The following THSD7B variants were observed in gnomAD, a reference collection of about 807,000 sequenced individuals.
THSD7B encodes thrombospondin type-1 domain-containing protein 7B.
A neutral mutation model predicts 213.6 loss-of-function variants in THSD7B; 138 were observed. The ratio of observed to expected loss-of-function variants is 0.65; its 90% CI spans 0.56 to 0.74. The LOEUF (loss-of-function observed/expected upper bound fraction) is 0.74, where lower values mean the gene tolerates loss of function less well. Among genes scored for constraint, THSD7B ranks in the 30% least tolerant of loss-of-function variants. The pLI is 0.00. For missense variants in THSD7B, 1,931 were observed against 1,991.5 expected (o/e 0.97, Z 0.58); for synonymous variants, 742 against 687.0 (o/e 1.08, Z -1.25).
intron 1 of THSD7B, among the ~76,000 whole-genome samples, chr2:136,869,271 CA>C (rs1683392182): frequency 6.6e-6 from 1 of 152,118 alleles, no homozygotes; most frequent in Non-Finnish European, 1.5e-5. Flanking sequence ...TTACTAAGCA[CA>C]AAACAGATAA....
chr2:136,997,497 TC>T (rs1685915996), intron 2 of THSD7B, among the ~76,000 whole-genome samples: 1 of 152,230 alleles, frequency 6.6e-6, no homozygotes, highest in African/African-American at 2.4e-5. Context: ...TGGGTGTGTT[TC>T]TTTTAGGTTA....
chr2:137,531,672 T>TA (rs1227943748), intron 15 of THSD7B, among the ~76,000 whole-genome samples: 1 of 152,010 alleles, frequency 6.6e-6, no homozygotes, highest in African/African-American at 2.4e-5. Context: ...TTTCAGGTGC[T>TA]ATGATTTCTG....
chr2:137,200,715 C>T (rs1365341653), intron 7 of THSD7B, among the ~76,000 whole-genome samples: 1 of 151,984 alleles, frequency 6.6e-6, no homozygotes, highest in Non-Finnish European at 1.5e-5. Context: ...AGTGCAGTAG[C>T]ACAATCATAG....
chr2:137,547,180 A>G (rs919833949), intron 15 of THSD7B, among the ~76,000 whole-genome samples: 6 of 152,178 alleles, frequency 3.9e-5, no homozygotes, highest in African/African-American at 1.4e-4. Context: ...CCATTATCCA[A>G]TCAATTTTGC....
intron 21 of THSD7B, among the ~76,000 whole-genome samples, chr2:137,648,771 ATGTG>A (rs1188477577): frequency 2.0e-5 from 3 of 151,472 alleles, no homozygotes; most frequent in Non-Finnish European, 3.0e-5. Flanking sequence ...ATGTGTGTTT[ATGTG>A]TGTGTGTATT....
At chr2:137,094,382 C>A (rs1378009694) in intron 3 of THSD7B, among the ~76,000 whole-genome samples, 1 of 152,164 alleles carries the variant, frequency 6.6e-6, no homozygotes, top group East Asian at 1.9e-4. Context: ...ACCAGCTTGT[C>A]CAACATGGTA....
intron 6 of THSD7B, among the ~76,000 whole-genome samples, chr2:137,164,099 A>C (rs1332030084): frequency 6.6e-6 from 1 of 152,120 alleles, no homozygotes; most frequent in African/African-American, 2.4e-5. Context: ...GTTATGGGGC[A>C]TGGGATGTAT....
At chr2:137,522,680 CAGCTCCATTCG>C (rs1286874032) in intron 15 of THSD7B, among the ~76,000 whole-genome samples, 2 of 152,256 alleles carry the variant, frequency 1.3e-5, no homozygotes, top group African/African-American at 4.8e-5. Context: ...GTCATAAATC[CAGCTCCATTCG>C]AGCAAAGTTT....
intron 1 of THSD7B, among the ~76,000 whole-genome samples, chr2:136,807,940 T>G (rs1682313353): frequency 1.3e-5 from 2 of 152,332 alleles, no homozygotes; most frequent in South Asian, 2.1e-4. Flanking sequence ...GTTACTGTGA[T>G]TTCATTGCTT....
intron 2 of THSD7B, among the ~76,000 whole-genome samples, chr2:136,983,076 A>AT (rs1338810122): frequency 7.1e-6 from 1 of 139,898 alleles, no homozygotes; most frequent in Admixed American, 7.8e-5. Flanking sequence ...TCAGTTTAAA[A>AT]TTAAAAAAAA....
chr2:136,810,273 G>T (rs571755220), intron 1 of THSD7B, among the ~76,000 whole-genome samples: 1 of 152,258 alleles, frequency 6.6e-6, no homozygotes, highest in South Asian at 2.1e-4. Context: ...GTCTTTCAAA[G>T]AAATTGCTTT....
At chr2:136,917,107 A>G (rs1684362615) in intron 2 of THSD7B, among the ~76,000 whole-genome samples, 2 of 152,192 alleles carry the variant, frequency 1.3e-5, no homozygotes, top group African/African-American at 4.8e-5. Flanking sequence ...TTTCATCAGA[A>G]ACATTTTTGA....
chr2:137,142,950 A>T (rs13391182), intron 5 of THSD7B, among the ~76,000 whole-genome samples: 44,669 of 152,040 alleles, frequency 0.29, 7,780 homozygotes, highest in African/African-American at 0.48. Context: ...ATTCATGCAG[A>T]AAGTTACATT....
In THSD7B at chr2:136,958,515, C is replaced by T. The variant is rs113982750; in HGVS notation, c.139+76198C>T. On this transcript the variant is annotated intron_variant, in intron 2 of 27. Coordinates refer to ENST00000409968, the MANE Select transcript of THSD7B (RefSeq NM_001316349.2). The stretch of plus-strand genomic sequence containing the variant: ...GGGATGATGGAGCCAAGTCTGAAGA[C>T]TCAGATTGCTTTTGGCATTTCACTT... 6.9e-3 allele frequency among the ~76,000 whole-genome samples: 1,047 copies of T among 152,218 alleles called. 12 individuals are homozygous for T. Among genetic ancestry groups the T allele is most frequent in the African/African-American group, 0.023 (972 of 41,502 alleles).
Position 137,115,248 on chromosome 2 carries a change from T to A in THSD7B, c.1324T>A (p.Cys442Ser). The A allele has an allele frequency of 6.2e-7, 1 of 1,612,142 alleles. No individual in the cohort carries two copies. The highest frequency in any genetic ancestry group is 8.5e-7 in the Non-Finnish European group (1 of 1,179,116). Residue 442 changes from cysteine (C) to serine (S), a missense_variant, in exon 5 of 28, where the codon TGT (cysteine) becomes AGT (serine). Physicochemically the swap from Cys to Ser is moderately radical, Grantham distance 112. Transcript: ENST00000409968. ...TGGGATCCAGACCCGGGAGGTGTAC[T>A]GTGCCCAGAGCGTACCAGCAGCTGC... is the stretch of plus-strand genomic sequence containing the variant. ...GGGIQTREVY[C>S]AQSVPAAAAL...
chr2:137,324,700 A>G (rs571369185), intron 12 of THSD7B, among the ~76,000 whole-genome samples: 34 of 152,306 alleles, frequency 2.2e-4, no homozygotes, highest in South Asian at 1.7e-3. Flanking sequence ...ATATTTCTAG[A>G]GAAATAAAAG....
chr2:137,344,580 C>A (rs889552204), intron 12 of THSD7B, among the ~76,000 whole-genome samples: 2 of 151,594 alleles, frequency 1.3e-5, no homozygotes, highest in East Asian at 3.9e-4. Context: ...CTCCCATCCA[C>A]GGGAGGAATA....
In THSD7B at chr2:137,214,153, G is replaced by A. The variant is rs563292529; in HGVS notation, c.1724-16891G>A. Among the ~76,000 whole-genome samples, 3 of 152,162 alleles carry A rather than the reference G, an allele frequency of 2.0e-5. No homozygotes were observed. In the East Asian group the frequency reaches 5.8e-4, roughly 29 times the overall value. ...CTCGTTCATTTTTGTGTTAATGGCA[G>A]TGTATATGTTTTTCTCATATACCTT... is the stretch of plus-strand genomic sequence containing the variant. On this transcript the variant is annotated intron_variant, in intron 7 of 27. Transcript: ENST00000409968.
At chr2:136,967,377 T>G (rs1471323607) in intron 2 of THSD7B, among the ~76,000 whole-genome samples, 1 of 152,158 alleles carries the variant, frequency 6.6e-6, no homozygotes, top group Non-Finnish European at 1.5e-5. Flanking sequence ...TTTCTCCTCG[T>G]TCTATTTGTT....
Sources: gnomAD v4.1 joint callset for allele counts (sites outside exome capture counted in the v4.1 genomes callset) on GRCh38, gnomAD v4.1.1 for gene constraint, MANE v1.5 for transcripts, NCBI Gene and HGNC (gene_info 2026-07-23, HGNC 2026-07-21) for gene names.